OGDH: variants seen among roughly 807,000 people sequenced by gnomAD.
The protein encoded by OGDH is oxoglutarate dehydrogenase.
OGDH carries 38 observed loss-of-function variants against 116.6 expected under a neutral mutation model. The ratio of observed to expected loss-of-function variants is 0.33; its 90% CI spans 0.25 to 0.43. OGDH has a LOEUF of 0.43. OGDH is among the 20% of genes least tolerant of loss of function. The probability of loss-of-function intolerance (pLI) is 1.00; values close to 1 mark genes in which losing one functional copy is unlikely to be tolerated. For synonymous variants in OGDH, 488 were observed against 533.3 expected, an observed-to-expected ratio of 0.92 and a Z score of 1.17; for missense variants, 825 against 1,357.2, an observed-to-expected ratio of 0.61 and a Z score of 6.16.
In OGDH at chr7:44,645,310, A is replaced by G; in HGVS notation, c.223-17A>G. On this transcript the variant is annotated splice_polypyrimidine_tract_variant and intron_variant, in intron 2 of 22. Coordinates refer to ENST00000222673, the MANE Select transcript of OGDH (RefSeq NM_002541.4). ...TAGGGGAGCAGTGAGGTAACCCTGT[A>G]CCTTCTTTGTCTTTAGTCATGGGAC... 1 of 1,611,848 alleles carries G rather than the reference A, an allele frequency of 6.2e-7. No homozygotes were observed. The highest frequency in any genetic ancestry group is 8.5e-7 in the Non-Finnish European group (1 of 1,178,586).
intron 1 of OGDH, among the ~76,000 whole-genome samples, chr7:44,622,258 A>G (rs1039492136): frequency 5.9e-5 from 9 of 152,318 alleles, no homozygotes; most frequent in Non-Finnish European, 8.8e-5. Context: ...TTTGCTGTCA[A>G]TGTTAGGGCT....
At chr7:44,640,288 C>T (rs148298057) in intron 2 of OGDH, among the ~76,000 whole-genome samples, 207 of 152,268 alleles carry the variant, frequency 1.4e-3, no homozygotes, top group African/African-American at 4.7e-3. Context: ...TATTAATACC[C>T]TGCCTGGTGA....
chr7:44,646,175 C>T (rs1786172227), intron 3 of OGDH, among the ~76,000 whole-genome samples: 1 of 152,190 alleles, frequency 6.6e-6, no homozygotes. Context: ...GAGTTCAGAT[C>T]TTAAGACTTC....
chr7:44,687,720 G>T (rs544104229), intron 10 of OGDH, among the ~76,000 whole-genome samples: 2 of 151,970 alleles, frequency 1.3e-5, no homozygotes, highest in Non-Finnish European at 2.9e-5. Flanking sequence ...CACCACACCC[G>T]CCTGCTCAAC....
In OGDH at chr7:44,657,492, C is replaced by G. The variant is rs1013203222; in HGVS notation, c.518-9244C>G. Among the ~76,000 whole-genome samples the G allele has an allele frequency of 2.0e-5, 3 of 152,168 alleles. No homozygotes were observed. The East Asian group carries it at 5.8e-4, about 29-fold the overall frequency. On this transcript the variant is annotated intron_variant, in intron 4 of 22. Coordinates refer to ENST00000222673, the MANE Select transcript of OGDH (RefSeq NM_002541.4). ...TGGATGTACTATGATTGTTTTTAACCATTCACCTGTTGAAGGACCTCTTCA... is the reference window on the plus strand; with the variant it reads ...TGGATGTACTATGATTGTTTTTAACGATTCACCTGTTGAAGGACCTCTTCA...
chr7:44,628,949 G>A (rs1478950870), intron 2 of OGDH, among the ~76,000 whole-genome samples: 1 of 151,954 alleles, frequency 6.6e-6, no homozygotes, highest in Non-Finnish European at 1.5e-5. Flanking sequence ...CCTACCTTTG[G>A]TCCTGTCCTA....
In OGDH at chr7:44,697,491, G is replaced by A; in HGVS notation, c.2173G>A (p.Val725Met). Residue 725 changes from valine (V) to methionine (M), a missense_variant, in exon 16 of 23, where the codon GTG becomes ATG. Physicochemically the swap from Val to Met is conservative, Grantham distance 21. Coordinates refer to ENST00000222673, the MANE Select transcript of OGDH (RefSeq NM_002541.4). The surrounding 1 kb of genome is among the most constrained non-coding windows in gnomAD (Gnocchi z 6.0). ...VCNSSLSEYG[V>M]LGFELGFAMA... ...CAACAGCTCACTGTCTGAGTACGGC[G>A]TGCTGGGTGAGTGCCTGGAGCCACA... 3.7e-6 allele frequency: 6 copies of A among 1,614,058 alleles called. No homozygotes were observed. Among genetic ancestry groups the A allele is most frequent in the Middle Eastern group, 1.6e-4 (1 of 6,062 alleles).
chr7:44,708,160 C>T lies in OGDH; in HGVS notation c.*161C>T. ...TCATAGGAGTTAGGCTGTCGTCCCC[C>T]TCCAGTGCTTGGCTGCCCCACAGGC... On this transcript the variant is annotated 3_prime_UTR_variant, in exon 23 of 23. Coordinates refer to ENST00000222673, the MANE Select transcript of OGDH (RefSeq NM_002541.4). 9.8e-7 allele frequency: 1 copy of T among 1,025,194 alleles called. No homozygotes were observed. The highest frequency in any genetic ancestry group is 1.6e-5 in the South Asian group (1 of 61,316). The allele number at this position is 1,025,194 out of a possible 1,614,324, so 63.5% of individuals were successfully genotyped here. A position where few individuals can be genotyped will look rare whatever the true frequency, so the allele number is the denominator to read the frequency against.
chr7:44,679,509 A>T (rs1286715977), intron 9 of OGDH, among the ~76,000 whole-genome samples: 2 of 152,146 alleles, frequency 1.3e-5, no homozygotes, highest in East Asian at 3.8e-4. Context: ...ACCAAGGATG[A>T]CTCAGCACAG....
intron 6 of OGDH, 50 bp from the exon 7 acceptor site, chr7:44,674,361 G>A (rs1278604099): frequency 6.2e-7 from 1 of 1,609,382 alleles, no homozygotes; most frequent in Admixed American, 1.7e-5. Context: ...CCCTCTTTTT[G>A]GTCAGGAAGA....
chr7:44,662,464 CT>C (rs199533460), intron 4 of OGDH, among the ~76,000 whole-genome samples: 20,314 of 130,656 alleles, frequency 0.16, 3,153 homozygotes, highest in African/African-American at 0.44. Flanking sequence ...CTTTTCTTTT[CT>C]TTTTTTTTTT....
rs111979801 is a variant in OGDH, at chr7:44,656,604, T to C, written c.517+8845T>C. Among the ~76,000 whole-genome samples, 1,064 of 152,352 alleles carry C rather than the reference T, an allele frequency of 7.0e-3. 10 individuals carry two copies. The highest frequency in any genetic ancestry group is 0.024 in the African/African-American group (1,004 of 41,574). On this transcript the variant is annotated intron_variant, in intron 4 of 22. Coordinates refer to ENST00000222673, the MANE Select transcript of OGDH (RefSeq NM_002541.4). Reference sequence around the variant, plus strand: ...TGTGTTTCAAAGAGCACTTTTCATCTTCACGTGTGCTTCATCGCTTCACTG... The same window carrying C: ...TGTGTTTCAAAGAGCACTTTTCATCCTCACGTGTGCTTCATCGCTTCACTG...
At position 44,658,994 on chromosome 7, in the gene OGDH, G is replaced by A. The variant is rs147021059; in HGVS notation, c.518-7742G>A. Among the ~76,000 whole-genome samples, 418 of 151,996 alleles carry A rather than the reference G, an allele frequency of 2.8e-3. 1 individual carries two copies. Among genetic ancestry groups the A allele is most frequent in the African/African-American group, 8.9e-3 (370 of 41,434 alleles). ...GGGGGCTACCAGTGTGCACCACCAC[G>A]CCCAGCTAATTTTTCTACTTTTAGT... On this transcript the variant is annotated intron_variant, in intron 4 of 22. Coordinates refer to ENST00000222673, the MANE Select transcript of OGDH (RefSeq NM_002541.4).
At position 44,693,222 on chromosome 7, in the gene OGDH, C is replaced by CT. The variant is rs532470163; in HGVS notation, c.1336-603_1336-602insT. ...ACTGGGGAGGCTAAGGCAGGATAAT[C>CT]GCTTGAACCCGGGAGGTGGAAGTTG... On this transcript the variant is annotated intron_variant, in intron 10 of 22. Transcript: ENST00000222673. Among the ~76,000 whole-genome samples, 752 of 151,994 alleles carry CT rather than the reference C, an allele frequency of 4.9e-3. 6 individuals are homozygous for CT. Among genetic ancestry groups the CT allele is most frequent in the African/African-American group, 0.018 (732 of 41,468 alleles).
intron 2 of OGDH, among the ~76,000 whole-genome samples, chr7:44,628,086 G>A (rs1334572961): frequency 6.6e-6 from 1 of 152,318 alleles, no homozygotes; most frequent in East Asian, 1.9e-4. Flanking sequence ...AGCTTCAACA[G>A]CTGTCTTAAA....
At chr7:44,677,265 C>T (rs543765540) in intron 9 of OGDH, among the ~76,000 whole-genome samples, 8 of 152,114 alleles carry the variant, frequency 5.3e-5, no homozygotes, top group African/African-American at 1.7e-4. Context: ...GAAAAAAGGT[C>T]GTGTGTAAAG....
intron 9 of OGDH, chr7:44,676,440 A>G (rs1006927143): frequency 4.1e-6 from 2 of 491,086 alleles, no homozygotes; most frequent in Non-Finnish European, 7.0e-6. Context: ...CTGTAATCCC[A>G]GCTACTCAGG....
At chr7:44,672,637 G>GTTTTTTTTTTTTTTTTTTTTTTTT (rs1175741464) in intron 5 of OGDH, among the ~76,000 whole-genome samples, 1 of 135,840 alleles carries the variant, frequency 7.4e-6, no homozygotes, top group African/African-American at 3.0e-5. Context: ...ATTTCTTTTT[G>GTTTTTTTTTTTTTTTTTTTTTTTT]TTTTTTGTTT....
intron 10 of OGDH, among the ~76,000 whole-genome samples, chr7:44,685,431 T>C (rs1562672899): frequency 6.6e-6 from 1 of 152,234 alleles, no homozygotes; most frequent in Admixed American, 6.5e-5. Context: ...ATCCACGTTA[T>C]AGCATGTGTT....
Sources: allele counts gnomAD v4.1 joint callset (sites outside exome capture counted in the v4.1 genomes callset), GRCh38; gene constraint gnomAD v4.1.1; non-coding constraint Gnocchi (gnomAD v3.1); transcripts MANE v1.5; gene names NCBI Gene and HGNC (gene_info 2026-07-23, HGNC 2026-07-21).